The following CARMIL1 variants were observed in gnomAD, a reference collection of about 807,000 sequenced individuals.
CARMIL1 encodes the protein F-actin-uncapping protein LRRC16A.
A neutral mutation model predicts 177.1 loss-of-function variants in CARMIL1; 90 were observed. The ratio of observed to expected loss-of-function variants is 0.51; its 90% CI spans 0.43 to 0.61. The LOEUF (loss-of-function observed/expected upper bound fraction) is 0.61. CARMIL1 is among the 20% of genes least tolerant of loss of function. The pLI, the probability that CARMIL1 is intolerant of heterozygous loss-of-function variation, is 0.00. For missense variants in CARMIL1, 1,380 were observed against 1,667.0 expected (o/e 0.83, Z 3.00); for synonymous variants, 577 against 606.2 (o/e 0.95, Z 0.71).
chr6:25,384,936 G>A (rs1792003044), intron 2 of CARMIL1, among the ~76,000 whole-genome samples: 3 of 152,022 alleles, frequency 2.0e-5, no homozygotes, highest in South Asian at 4.2e-4. Flanking sequence ...ATTTAATTTC[G>A]CCCATCCATT....
intron 2 of CARMIL1, among the ~76,000 whole-genome samples, chr6:25,335,370 G>C (rs1187102012): frequency 6.6e-6 from 1 of 152,196 alleles, no homozygotes; most frequent in African/African-American, 2.4e-5. Flanking sequence ...TTATAAGGAT[G>C]TGTTAAATTA....
At chr6:25,526,182 TAAATAAATAAATA>T (rs1807090918) in intron 23 of CARMIL1, among the ~76,000 whole-genome samples, 1 of 149,548 alleles carries the variant, frequency 6.7e-6, no homozygotes, top group East Asian at 2.0e-4. Context: ...AATAAATAAA[TAAATAAATAAATA>T]AGCCAGGCGT....
At chr6:25,320,802 A>G (rs1258551396) in intron 2 of CARMIL1, among the ~76,000 whole-genome samples, 1 of 152,260 alleles carries the variant, frequency 6.6e-6, no homozygotes, top group African/African-American at 2.4e-5. Context: ...GACCAGGGGT[A>G]TCCAATCTTT....
At chr6:25,606,982 T>C (rs1816034071) in intron 35 of CARMIL1, among the ~76,000 whole-genome samples, 1 of 152,124 alleles carries the variant, frequency 6.6e-6, no homozygotes, top group African/African-American at 2.4e-5. Flanking sequence ...TTCACCTTAT[T>C]CTCTCCTGCA....
At chr6:25,365,743 G>T (rs1471941493) in intron 2 of CARMIL1, among the ~76,000 whole-genome samples, 1 of 152,076 alleles carries the variant, frequency 6.6e-6, no homozygotes, top group African/African-American at 2.4e-5. Context: ...TAGAGATGGG[G>T]TTTTGCCATG....
At chr6:25,476,783 G>A (rs553876795) in intron 11 of CARMIL1, among the ~76,000 whole-genome samples, 1 of 152,178 alleles carries the variant, frequency 6.6e-6, no homozygotes, top group African/African-American at 2.4e-5. Flanking sequence ...ACTATTATTT[G>A]TAAGGAAGCT....
intron 29 of CARMIL1, among the ~76,000 whole-genome samples, chr6:25,578,954 A>G (rs1582421201): frequency 6.6e-6 from 1 of 152,104 alleles, no homozygotes; most frequent in African/African-American, 2.4e-5. Context: ...GATATCAACC[A>G]TCAAATTATC....
chr6:25,439,210 G>A (rs1020317959), intron 5 of CARMIL1, among the ~76,000 whole-genome samples: 1 of 152,110 alleles, frequency 6.6e-6, no homozygotes, highest in Non-Finnish European at 1.5e-5. Context: ...TAGCCATTCT[G>A]TTTTAGGCAT....
chr6:25,443,928 G>A (rs372774512), intron 5 of CARMIL1, among the ~76,000 whole-genome samples: 2 of 151,748 alleles, frequency 1.3e-5, no homozygotes, highest in Admixed American at 6.6e-5. Flanking sequence ...CTCAGCCTCC[G>A]GAGTAGCTGG....
intron 29 of CARMIL1, among the ~76,000 whole-genome samples, chr6:25,578,164 T>C (rs1812775902): frequency 6.6e-6 from 1 of 152,144 alleles, no homozygotes; most frequent in Non-Finnish European, 1.5e-5. Context: ...ATGGACACTT[T>C]GTGATTTCTC....
intron 2 of CARMIL1, among the ~76,000 whole-genome samples, chr6:25,332,773 G>GCACACACACA (rs376381821): frequency 5.4e-4 from 56 of 104,462 alleles, no homozygotes; most frequent in Middle Eastern, 4.7e-3. Flanking sequence ...ACACACACAC[G>GCACACACACA]CGCACACACA....
At chr6:25,436,524 G>T (rs1797242409) in intron 5 of CARMIL1, among the ~76,000 whole-genome samples, 1 of 152,224 alleles carries the variant, frequency 6.6e-6, no homozygotes, top group Admixed American at 6.5e-5. Flanking sequence ...CAAGTTGAGA[G>T]ACAAAGCAGC....
At chr6:25,604,511 G>C (rs1815745564) in intron 33 of CARMIL1, among the ~76,000 whole-genome samples, 2 of 152,148 alleles carry the variant, frequency 1.3e-5, no homozygotes, top group Non-Finnish European at 2.9e-5. Context: ...AAACAGTAAA[G>C]GTCACCAAGC....
At position 25,326,345 on chromosome 6, in the gene CARMIL1, G is replaced by T. The variant is rs2150256167; in HGVS notation, c.138+41436G>T. Among the ~76,000 whole-genome samples, 1 of 152,294 alleles carries T rather than the reference G, an allele frequency of 6.6e-6. No homozygotes were observed. Among genetic ancestry groups the T allele is most frequent in the African/African-American group, 2.4e-5 (1 of 41,560 alleles). Reference sequence around the variant, plus strand: ...AAGAACCATGAGGCAAGAGCATCGGGATATCCAAGAAGTCATGCTGGATTA... The same window carrying T: ...AAGAACCATGAGGCAAGAGCATCGGTATATCCAAGAAGTCATGCTGGATTA... On this transcript the variant is annotated intron_variant, in intron 2 of 36. Coordinates refer to ENST00000329474, the MANE Select transcript of CARMIL1 (RefSeq NM_017640.6). This position sits in a 1 kb window ranked among gnomAD's most constrained non-coding sequence, Gnocchi z 4.2.
intron 2 of CARMIL1, among the ~76,000 whole-genome samples, chr6:25,370,354 C>T (rs1321407754): frequency 1.3e-5 from 2 of 152,094 alleles, no homozygotes; most frequent in Non-Finnish European, 2.9e-5. Context: ...TTGACCACAG[C>T]GCCAAGCATC....
intron 4 of CARMIL1, among the ~76,000 whole-genome samples, chr6:25,432,608 T>G (rs1796892039): frequency 6.6e-6 from 1 of 152,208 alleles, no homozygotes; most frequent in African/African-American, 2.4e-5. Context: ...GTTATACAAT[T>G]TTTGCACCTT....
intron 2 of CARMIL1, among the ~76,000 whole-genome samples, chr6:25,309,462 C>T (rs1783587132): frequency 6.8e-6 from 1 of 147,376 alleles, no homozygotes; most frequent in South Asian, 2.2e-4. Flanking sequence ...CATCTATTAC[C>T]AGAATCAATT....
At chr6:25,569,411 G>A (rs927295404) in intron 29 of CARMIL1, among the ~76,000 whole-genome samples, 4 of 152,164 alleles carry the variant, frequency 2.6e-5, no homozygotes, top group Non-Finnish European at 5.9e-5. Context: ...AAAGCTTGGG[G>A]AACCACTTGC....
chr6:25,485,042 G>GAAAACA (rs1211577453), intron 12 of CARMIL1, among the ~76,000 whole-genome samples: 3 of 151,824 alleles, frequency 2.0e-5, no homozygotes, highest in Non-Finnish European at 4.4e-5. Context: ...CTCTTAAAAC[G>GAAAACA]AAAACAAAAA....
Sources: allele counts gnomAD v4.1 joint callset (sites outside exome capture counted in the v4.1 genomes callset), GRCh38; gene constraint gnomAD v4.1.1; non-coding constraint Gnocchi (gnomAD v3.1); transcripts MANE v1.5; gene names NCBI Gene and HGNC (gene_info 2026-07-23, HGNC 2026-07-21).